Variants in CLDN14 observed in about 807,000 individuals in gnomAD.
The protein encoded by CLDN14 is claudin 14, also known as claudin-14.
A neutral mutation model predicts 2.1 loss-of-function variants in CLDN14; 2 were observed. The ratio of observed to expected loss-of-function variants is 0.96; its 90% CI spans 0.39 to 3.01. The LOEUF is 3.01. Ranked by LOEUF, CLDN14 falls within the 30% of genes most tolerant of loss-of-function variation. CLDN14 has a pLI of 0.09. For missense variants in CLDN14, 298 were observed against 328.0 expected (o/e 0.91, Z 0.71); for synonymous variants, 136 against 154.4 (o/e 0.88, Z 0.88).
At chr21:36,470,570 G>C (rs2086699131) in intron 1 of CLDN14, among the ~76,000 whole-genome samples, 1 of 152,180 alleles carries the variant, frequency 6.6e-6, no homozygotes, top group Admixed American at 6.5e-5. Flanking sequence ...TCAGAATCAT[G>C]ACAGAATAAA....
chr21:36,515,672 CA>C (rs112275304), intron 1 of CLDN14, among the ~76,000 whole-genome samples: 8,697 of 85,186 alleles, frequency 0.1, 625 homozygotes, highest in African/African-American at 0.28. Flanking sequence ...GTCTCCATCT[CA>C]AAAAAAAAAA....
At chr21:36,489,399 A>G (rs1482816747) in intron 2 of CLDN14, among the ~76,000 whole-genome samples, 4 of 152,192 alleles carry the variant, frequency 2.6e-5, no homozygotes, top group East Asian at 1.9e-4. Flanking sequence ...TGAGACACCA[A>G]TGGCAAATCT....
In CLDN14 at chr21:36,461,579, G is replaced by A. The variant is rs2086576026; in HGVS notation, c.117C>T (p.Asn39=). 6.2e-7 allele frequency: 1 copy of A among 1,612,704 alleles called. No homozygotes were observed. Among genetic ancestry groups the A allele is most frequent in the Admixed American group, 1.7e-5 (1 of 59,928 alleles). ...HWRRTAHVGT[N]ILTAVSYLKG... ...TCAGGTAGGACACGGCCGTGAGGAT[G>A]TTGGTGCCCACGTGCGCTGTCCTCC... The change falls in exon 2 of 2, where the codon AAC becomes AAT. Residue 39 remains asparagine (N), a synonymous_variant. Transcript: ENST00000399135.
In CLDN14 at chr21:36,551,318, C is replaced by CTGTT. The variant is rs1386459341; in HGVS notation, c.-220+25089_-220+25092dup. Among the ~76,000 whole-genome samples the CTGTT allele has an allele frequency of 6.6e-6, 1 of 152,226 alleles. No individual in the cohort carries two copies. The highest frequency in any genetic ancestry group is 1.9e-4 in the East Asian group (1 of 5,194). On this transcript the variant is annotated intron_variant, in intron 1 of 2. Coordinates refer to the CLDN14 transcript ENST00000342108. This position sits in a 1 kb window ranked among gnomAD's most constrained non-coding sequence, Gnocchi z 4.8. ...CCAGTGAGATCTCCGAGCAGATGCACTGTTCCCTGCGGACAGGATTTATTC... is the reference window on the plus strand; with the variant it reads ...CCAGTGAGATCTCCGAGCAGATGCACTGTTTGTTCCCTGCGGACAGGATTTATTC...
intron 2 of CLDN14, among the ~76,000 whole-genome samples, chr21:36,490,034 T>C (rs1319654583): frequency 6.6e-6 from 1 of 152,214 alleles, no homozygotes; most frequent in African/African-American, 2.4e-5. Flanking sequence ...CTCTTACGGC[T>C]GAGGGATCAG....
At chr21:36,545,509 CCATAATTTCCCTT>C (rs2087520444) in intron 1 of CLDN14, among the ~76,000 whole-genome samples, 2 of 152,132 alleles carry the variant, frequency 1.3e-5, no homozygotes, top group African/African-American at 4.8e-5. Flanking sequence ...ATGCAAAGGA[CCATAATTTCCCTT>C]ACTAGAGGGG....
intron 1 of CLDN14, among the ~76,000 whole-genome samples, chr21:36,557,903 G>A (rs1262563518): frequency 6.6e-6 from 1 of 152,114 alleles, no homozygotes; most frequent in Non-Finnish European, 1.5e-5. Flanking sequence ...CTTTCCTCTA[G>A]AGGTTTCAGG....
chr21:36,561,829 G>A (rs2087637497), intron 1 of CLDN14, among the ~76,000 whole-genome samples: 2 of 152,054 alleles, frequency 1.3e-5, no homozygotes, highest in South Asian at 2.1e-4. Flanking sequence ...GAAGGAGCAG[G>A]CACTACTCCC....
At chr21:36,475,572 A>G (rs868436667) in intron 1 of CLDN14, among the ~76,000 whole-genome samples, 49 of 152,200 alleles carry the variant, frequency 3.2e-4, no homozygotes, top group African/African-American at 1.1e-3. Flanking sequence ...TTCATTAAAA[A>G]TTATTTTTCA....
upstream of CLDN14, among the ~76,000 whole-genome samples, chr21:36,482,788 G>A (rs908339716): frequency 2.0e-5 from 3 of 152,134 alleles, no homozygotes; most frequent in South Asian, 4.1e-4. Context: ...AAGTCACGAC[G>A]CTTCCATGAA....
intron 2 of CLDN14, chr21:36,486,336 G>T: frequency 1.2e-6 from 1 of 837,062 alleles, no homozygotes; most frequent in South Asian, 1.4e-5. Context: ...GACCTCGTCT[G>T]AGCCTTCAGT....
At chr21:36,473,475 A>G (rs1239755549) in intron 1 of CLDN14, among the ~76,000 whole-genome samples, 2 of 152,238 alleles carry the variant, frequency 1.3e-5, no homozygotes, top group African/African-American at 2.4e-5. Flanking sequence ...ATAAATGCAT[A>G]TTCGATTGGC....
intron 1 of CLDN14, among the ~76,000 whole-genome samples, chr21:36,527,315 T>C (rs1003234018): frequency 2.6e-5 from 4 of 152,230 alleles, no homozygotes; most frequent in African/African-American, 4.8e-5. Flanking sequence ...CGGGAGTGAC[T>C]GATGGCTATT....
chr21:36,532,128 AAAC>A (rs1342988475), intron 1 of CLDN14: 2 of 152,214 alleles, frequency 1.3e-5, no homozygotes, highest in East Asian at 3.9e-4. Flanking sequence ...ACGCACTGAC[AAAC>A]AACACCCGAG....
At chr21:36,563,006 C>T (rs1302856481) in intron 1 of CLDN14, among the ~76,000 whole-genome samples, 1 of 152,114 alleles carries the variant, frequency 6.6e-6, no homozygotes, top group Non-Finnish European at 1.5e-5. Context: ...AACTTGGGTG[C>T]TGCAAAAATG....
At chr21:36,495,314 C>T (rs1240965380) in intron 2 of CLDN14, among the ~76,000 whole-genome samples, 2 of 152,022 alleles carry the variant, frequency 1.3e-5, no homozygotes, top group Non-Finnish European at 2.9e-5. Context: ...GGGCAACAAG[C>T]GTGAAACTCC....
intron 1 of CLDN14, among the ~76,000 whole-genome samples, chr21:36,556,627 T>A (rs2087600840): frequency 1.3e-5 from 2 of 152,172 alleles, no homozygotes; most frequent in South Asian, 4.1e-4. Context: ...ATGACCGATA[T>A]AAAAACACTT....
chr21:36,516,353 T>C (rs1046725527), intron 1 of CLDN14, among the ~76,000 whole-genome samples: 1 of 152,240 alleles, frequency 6.6e-6, no homozygotes, highest in African/African-American at 2.4e-5. Context: ...TTGTAAAGTT[T>C]TGATGCTTCT....
intron 1 of CLDN14, among the ~76,000 whole-genome samples, chr21:36,549,145 GT>G (rs778993757): frequency 0.011 from 1,559 of 142,060 alleles, 19 homozygotes; most frequent in African/African-American, 0.031. Flanking sequence ...CATAGCTGGT[GT>G]TTTTTTTTTT....
Sources: gnomAD v4.1 joint callset for allele counts (sites outside exome capture counted in the v4.1 genomes callset) on GRCh38, gnomAD v4.1.1 for gene constraint, Gnocchi (gnomAD v3.1) non-coding constraint, MANE v1.5 for transcripts, NCBI Gene and HGNC (gene_info 2026-07-23, HGNC 2026-07-21) for gene names.